Variants in CYLC2 observed in about 807,000 individuals in gnomAD.
CYLC2 encodes the protein cylicin-2.
CYLC2 carries 30 observed loss-of-function variants against 26.1 expected under a neutral mutation model. The ratio of observed to expected loss-of-function variants is 1.15; its 90% CI spans 0.86 to 1.56. CYLC2 has a LOEUF of 1.56. CYLC2 is among the 40% of genes most tolerant of loss of function. CYLC2 has a pLI of 0.00. For missense variants in CYLC2, 498 were observed against 394.4 expected (o/e 1.26, Z -2.23); for synonymous variants, 158 against 132.8 (o/e 1.19, Z -1.31).
intron 5 of CYLC2, among the ~76,000 whole-genome samples, chr9:103,007,023 G>A (rs989629936): frequency 6.6e-6 from 1 of 152,000 alleles, no homozygotes. Context: ...TATTGTACAC[G>A]ATAAATATGC....
chr9:103,015,514 T>C (rs1829494310), intron 6 of CYLC2, among the ~76,000 whole-genome samples: 1 of 141,150 alleles, frequency 7.1e-6, no homozygotes, highest in Non-Finnish European at 1.5e-5. Flanking sequence ...ATATATATAA[T>C]ACATGTTTAT....
At position 103,013,353 on chromosome 9, in the gene CYLC2, AT is replaced by A. The variant is rs1292142891; in HGVS notation, c.*816+1258del. 2.1e-3 allele frequency among the ~76,000 whole-genome samples: 190 copies of A among 91,824 alleles called. 1 individual carries two copies. Among genetic ancestry groups the A allele is most frequent in the Non-Finnish European group, 3.3e-3 (168 of 50,700 alleles). The allele number at this position is 91,824 out of a possible 152,430, so 60.2% of individuals were successfully genotyped here. A position where few individuals can be genotyped will look rare whatever the true frequency, so the allele number is the denominator to read the frequency against. ...TATTTAATATATTATATAAATATAT[AT>A]TATATAAATATATATTTAATATATT... On this transcript the variant is annotated intron_variant, in intron 6 of 7. Transcript: ENST00000374798.
chr9:103,007,385 C>T (rs1829363346), intron 5 of CYLC2, among the ~76,000 whole-genome samples: 1 of 151,688 alleles, frequency 6.6e-6, no homozygotes, highest in South Asian at 2.1e-4. Flanking sequence ...TGTTTATTAC[C>T]AACAAGAACA....
At chr9:103,013,277 A>G (rs1431246596) in intron 6 of CYLC2, among the ~76,000 whole-genome samples, 1 of 95,302 alleles carries the variant, frequency 1.0e-5, no homozygotes, top group Non-Finnish European at 1.9e-5. Flanking sequence ...TATATTATAT[A>G]TAACACATTA....
intron 1 of CYLC2, among the ~76,000 whole-genome samples, chr9:103,001,347 A>G (rs1490222909): frequency 2.6e-5 from 4 of 151,636 alleles, no homozygotes; most frequent in African/African-American, 4.8e-5. Flanking sequence ...TGATACATGT[A>G]TGTATATATA....
chr9:103,017,139 T>G (rs1829515500), intron 7 of CYLC2, among the ~76,000 whole-genome samples, 178 bp downstream of exon 7: 1 of 151,460 alleles, frequency 6.6e-6, no homozygotes, highest in Non-Finnish European at 1.5e-5. Flanking sequence ...GGGGAAGAAA[T>G]GGAGAATTAA....
At position 103,000,517 on chromosome 9, in the gene CYLC2, T is replaced by C. The variant is rs558908677; in HGVS notation, c.18-1061T>C. 5.1e-4 allele frequency among the ~76,000 whole-genome samples: 78 copies of C among 152,162 alleles called. 1 individual carries two copies. The South Asian group carries it at 0.014, about 28-fold the overall frequency. On this transcript the variant is annotated intron_variant, in intron 1 of 7. Transcript: ENST00000374798. Reference sequence around the variant, plus strand: ...TCTGAATTTAGAGATTCAGATATGATGGGGCAAGTAATTTTGGTGCATGTA... The same window carrying C: ...TCTGAATTTAGAGATTCAGATATGACGGGGCAAGTAATTTTGGTGCATGTA...
chr9:102,997,415 A>G (rs571464345), intron 1 of CYLC2, among the ~76,000 whole-genome samples: 1 of 152,088 alleles, frequency 6.6e-6, no homozygotes, highest in African/African-American at 2.4e-5. Flanking sequence ...ACTGCTTCAG[A>G]AAATGCTAGA....
chr9:103,017,254 T>C (rs543405425), intron 7 of CYLC2, among the ~76,000 whole-genome samples: 5 of 152,068 alleles, frequency 3.3e-5, no homozygotes, highest in African/African-American at 1.2e-4. Flanking sequence ...TTAGAATATG[T>C]CCTAGTAACA....
At chr9:103,007,942 G>A (rs905134487) in intron 5 of CYLC2, among the ~76,000 whole-genome samples, 1 of 152,046 alleles carries the variant, frequency 6.6e-6, no homozygotes, top group African/African-American at 2.4e-5. Flanking sequence ...CTCCTGATCT[G>A]CCAGGTGATC....
intron 6 of CYLC2, among the ~76,000 whole-genome samples, chr9:103,013,834 T>G (rs1304517559): frequency 8.8e-6 from 1 of 113,126 alleles, no homozygotes; most frequent in African/African-American, 3.6e-5. Context: ...GTATATAATA[T>G]ATAATAAAGA....
At chr9:103,004,296 C>T (rs75703968) in intron 3 of CYLC2, among the ~76,000 whole-genome samples, 8,545 of 152,050 alleles carry the variant, frequency 0.056, 319 homozygotes, top group South Asian at 0.12. Context: ...AGATATGCCT[C>T]AATCTGAAAC....
At position 103,003,264 on chromosome 9, in the gene CYLC2, G is replaced by A. The variant is rs200239637; in HGVS notation, c.180+1G>A. ...TCAAATACGGGACAACACGGTTTCT[G>A]TAAGCATTGGAAAGATTTTATAATT... On this transcript the variant is annotated splice_donor_variant, in intron 3 of 7. Transcript: ENST00000374798. LOFTEE classifies it high-confidence loss of function. The A allele has an allele frequency of 2.5e-6, 4 of 1,610,144 alleles. No individual in the cohort carries two copies. The highest frequency in any genetic ancestry group is 1.3e-5 in the African/African-American group (1 of 74,800).
chr9:103,007,627 A>T (rs1829365280), intron 5 of CYLC2, among the ~76,000 whole-genome samples: 1 of 152,196 alleles, frequency 6.6e-6, no homozygotes, highest in Admixed American at 6.5e-5. Flanking sequence ...AGTATTAAGC[A>T]AAATGCAATA....
chr9:103,003,381 A>G, intron 3 of CYLC2, 118 bp downstream of exon 3: 2 of 922,388 alleles, frequency 2.2e-6, no homozygotes. Context: ...AGCTTGTGAA[A>G]TCATGTATAG....
chr9:103,005,993 G>T lies in CYLC2; in HGVS notation c.*315G>T. On this transcript the variant is annotated 3_prime_UTR_variant, in exon 5 of 8. Transcript: ENST00000374798. ...AGAAGAATATTCAGATAAGGATGTTGAAGATAATGACACTAAATCTATGGA... is the reference window on the plus strand; with the variant it reads ...AGAAGAATATTCAGATAAGGATGTTTAAGATAATGACACTAAATCTATGGA... The T allele has an allele frequency of 5.3e-6, 1 of 190,030 alleles. No individual in the cohort carries two copies. Among genetic ancestry groups the T allele is most frequent in the Non-Finnish European group, 1.0e-5 (1 of 97,174 alleles). The allele number at this position is 190,030 out of a possible 1,614,324, so 11.8% of individuals were successfully genotyped here.
chr9:103,015,544 A>G (rs1178178472), intron 6 of CYLC2, among the ~76,000 whole-genome samples: 4 of 142,396 alleles, frequency 2.8e-5, no homozygotes, highest in Non-Finnish European at 6.1e-5. Context: ...TATAAATATT[A>G]TATATAAAAT....
intron 2 of CYLC2, 102 bp from the exon 3 acceptor site, chr9:103,003,040 C>T: frequency 7.9e-7 from 1 of 1,263,820 alleles, no homozygotes; most frequent in Non-Finnish European, 1.1e-6. Flanking sequence ...ATTTGAATCA[C>T]TTGTTTATTC....
chr9:103,017,890 G>T (rs1564102336), intron 7 of CYLC2, among the ~76,000 whole-genome samples: 1 of 151,878 alleles, frequency 6.6e-6, no homozygotes, highest in Non-Finnish European at 1.5e-5. Flanking sequence ...TCTTTCCTCT[G>T]TGTGGATCTG....
Sources: allele counts gnomAD v4.1 joint callset (sites outside exome capture counted in the v4.1 genomes callset), GRCh38; gene constraint gnomAD v4.1.1; transcripts MANE v1.5; gene names NCBI Gene and HGNC (gene_info 2026-07-23, HGNC 2026-07-21).